Variants in STK39 observed in about 807,000 individuals in gnomAD.
The protein encoded by STK39 is serine/threonine kinase 39.
Under a neutral mutation model 77.8 loss-of-function variants are expected in STK39, and 20 were observed. That is an observed-to-expected ratio of 0.26 (90% CI 0.18 to 0.37). STK39 has a LOEUF of 0.37. STK39 is among the 10% of genes least tolerant of loss of function. The pLI is 1.00. For synonymous variants in STK39, 246 were observed against 234.1 expected (o/e 1.05, Z -0.47); for missense variants, 479 against 656.5 (o/e 0.73, Z 2.95).
chr2:168,105,383 G>C (rs1272515185), intron 10 of STK39, among the ~76,000 whole-genome samples: 1 of 152,206 alleles, frequency 6.6e-6, no homozygotes, highest in East Asian at 1.9e-4. Flanking sequence ...AGACCATGCA[G>C]GTAACTGGAA....
intron 13 of STK39, among the ~76,000 whole-genome samples, chr2:168,064,629 A>G (rs932007183): frequency 9.8e-5 from 15 of 152,374 alleles, no homozygotes; most frequent in African/African-American, 3.6e-4. Flanking sequence ...ACAGAAATGA[A>G]TTTAAATTGA....
chr2:167,974,521 G>A (rs1683220573), intron 16 of STK39, among the ~76,000 whole-genome samples: 1 of 152,118 alleles, frequency 6.6e-6, no homozygotes, highest in Non-Finnish European at 1.5e-5. Flanking sequence ...TTTAGTGAAT[G>A]ATATTAATAT....
At chr2:167,998,608 C>A (rs1245050004) in intron 16 of STK39, among the ~76,000 whole-genome samples, 1 of 140,406 alleles carries the variant, frequency 7.1e-6, no homozygotes, top group African/African-American at 2.7e-5. Flanking sequence ...GTGATTAATG[C>A]CTAAGTTGGT....
rs80258761 is a variant in STK39 at position 167,967,057 on chromosome 2, G to A, written c.1499-2331C>T. Among the ~76,000 whole-genome samples, 12 of 152,290 alleles carry A rather than the reference G, an allele frequency of 7.9e-5. No homozygotes were observed. The East Asian group carries it at 2.3e-3, about 29-fold the overall frequency. On this transcript the variant is annotated intron_variant, in intron 16 of 17. Transcript: ENST00000355999. ...CTGGAACGTGAGCTGAGAAGGAAGG[G>A]CTGGGTAGGGCTGGCTGTTGCTTTA...
chr2:168,073,904 C>T (rs1243219984), intron 12 of STK39, among the ~76,000 whole-genome samples: 1 of 152,090 alleles, frequency 6.6e-6, no homozygotes, highest in Non-Finnish European at 1.5e-5. Context: ...AGGAGTGAGC[C>T]ACCGCACCTG....
At chr2:168,046,099 G>A (rs992313364) in intron 14 of STK39, among the ~76,000 whole-genome samples, 1 of 152,208 alleles carries the variant, frequency 6.6e-6, no homozygotes, top group Non-Finnish European at 1.5e-5. Context: ...CAGGCATGGT[G>A]GCTCACACCT....
At chr2:168,155,139 C>T (rs754351052) in intron 5 of STK39, among the ~76,000 whole-genome samples, 16 of 152,272 alleles carry the variant, frequency 1.1e-4, no homozygotes, top group Admixed American at 2.0e-4. Flanking sequence ...TGCAGCTAAA[C>T]GTGCAGAGCT....
intron 7 of STK39, among the ~76,000 whole-genome samples, chr2:168,138,958 T>C (rs1214823192): frequency 6.6e-6 from 1 of 152,234 alleles, no homozygotes. Flanking sequence ...AGAAAACTAC[T>C]AGCCTGTACA....
intron 14 of STK39, among the ~76,000 whole-genome samples, chr2:168,023,263 T>C (rs1446238625): frequency 6.8e-6 from 1 of 146,464 alleles, no homozygotes; most frequent in African/African-American, 2.5e-5. Context: ...CTGACAAACT[T>C]TTTTTTTTTT....
At chr2:168,106,780 C>G in intron 10 of STK39, among the ~76,000 whole-genome samples, 1 of 152,082 alleles carries the variant, frequency 6.6e-6, no homozygotes, top group East Asian at 1.9e-4. Context: ...CATGTTCACA[C>G]CACTGCACTC....
chr2:168,076,062 T>C (rs1206253543), intron 10 of STK39, among the ~76,000 whole-genome samples: 3 of 152,196 alleles, frequency 2.0e-5, no homozygotes, highest in Non-Finnish European at 1.5e-5. Context: ...AGTAATTTGC[T>C]TAAAAAATTT....
Position 168,163,753 on chromosome 2 carries a change from G to A in STK39, c.558C>T (p.Asn186=), listed in dbSNP as rs113390327. 6.3e-4 allele frequency: 1,015 copies of A among 1,613,682 alleles called. 7 individuals are homozygous for A. The African/African-American group carries it at 0.012, about 19-fold the overall frequency. Residue 186 remains asparagine, a synonymous_variant, in exon 4 of 18, where the codon AAC becomes AAT. Coordinates refer to ENST00000355999, the MANE Select transcript of STK39 (RefSeq NM_013233.3). The part of the protein sequence containing the change: ...VLEGLDYLHR[N]GQIHRDLKAG... ...AGAGGTCATACCTGTGAATCTGACC[G>A]TTTCTGTGTAGATAGTCTAAGCCTT...
intron 10 of STK39, among the ~76,000 whole-genome samples, chr2:168,094,303 G>A (rs1015935779): frequency 1.3e-5 from 2 of 152,152 alleles, no homozygotes; most frequent in Admixed American, 6.5e-5. Context: ...CTTGATATAT[G>A]AACAATAAAT....
At chr2:168,087,681 G>T (rs552169359) in intron 10 of STK39, among the ~76,000 whole-genome samples, 1 of 152,126 alleles carries the variant, frequency 6.6e-6, no homozygotes, top group Non-Finnish European at 1.5e-5. Flanking sequence ...CTCTTTATAG[G>T]TCTCTCCTAC....
chr2:168,080,557 G>A (rs1318717431), intron 10 of STK39, among the ~76,000 whole-genome samples: 1 of 152,034 alleles, frequency 6.6e-6, no homozygotes, highest in East Asian at 1.9e-4. Flanking sequence ...GTGAACCTGG[G>A]AGGCGGAGTT....
intron 10 of STK39, among the ~76,000 whole-genome samples, chr2:168,091,289 C>G (rs979413791): frequency 6.6e-6 from 1 of 152,266 alleles, no homozygotes; most frequent in East Asian, 1.9e-4. Context: ...ATCACAAGGT[C>G]CCTATGCAGA....
At chr2:167,979,004 A>T (rs1012188408) in intron 16 of STK39, among the ~76,000 whole-genome samples, 13 of 152,126 alleles carry the variant, frequency 8.5e-5, no homozygotes, top group Admixed American at 8.5e-4. Flanking sequence ...ATGGAACATG[A>T]TCGATAATTC....
rs1238813135 is a variant in STK39, at chr2:168,201,952, G to A, written c.209-19862C>T. 2.0e-5 allele frequency among the ~76,000 whole-genome samples: 3 copies of A among 152,200 alleles called. No homozygotes were observed. The East Asian group carries it at 5.8e-4, about 29-fold the overall frequency. ...CAAGAACAAAGAACAGCTTTGTCCT[G>A]CTTGAAAGAGCTCTGAAAGATTATT... On this transcript the variant is annotated intron_variant, in intron 1 of 17. Transcript: ENST00000355999.
At chr2:168,008,707 T>A (rs1234601683) in intron 16 of STK39, among the ~76,000 whole-genome samples, 1 of 152,010 alleles carries the variant, frequency 6.6e-6, no homozygotes, top group East Asian at 1.9e-4. Flanking sequence ...CTTGGACACA[T>A]CAAGATTTAT....
Sources: allele counts gnomAD v4.1 joint callset (sites outside exome capture counted in the v4.1 genomes callset), GRCh38; gene constraint gnomAD v4.1.1; transcripts MANE v1.5; gene names NCBI Gene and HGNC (gene_info 2026-07-23, HGNC 2026-07-21).